The following DACH2 variants were observed in gnomAD, a reference collection of about 807,000 sequenced individuals.
The protein encoded by DACH2 is dachshund homolog 2.
A neutral mutation model predicts 35.8 loss-of-function variants in DACH2; 17 were observed. That is an observed-to-expected ratio of 0.48 (90% CI 0.33 to 0.71). The LOEUF (loss-of-function observed/expected upper bound fraction) is 0.71. Ranked by LOEUF, DACH2 falls within the 30% of genes least tolerant of loss-of-function variation. DACH2 has a pLI of 0.02. For synonymous variants in DACH2, 195 were observed against 177.3 expected (o/e 1.10, Z -0.79); for missense variants, 469 against 472.7 (o/e 0.99, Z 0.07).
intron 1 of DACH2, among the ~76,000 whole-genome samples, chrX:86,222,251 A>G (rs1476467010): frequency 8.9e-6 from 1 of 112,375 alleles, no homozygotes; most frequent in Non-Finnish European, 1.9e-5. Context: ...CCACTCAAAT[A>G]TTAGCAGGAT....
intron 1 of DACH2, among the ~76,000 whole-genome samples, chrX:86,342,072 T>C (rs1314726855): frequency 7.2e-5 from 8 of 111,833 alleles, no homozygotes; most frequent in African/African-American, 2.6e-4. Context: ...GTGGTAGCAT[T>C]TGAGAGGACT....
intron 4 of DACH2, among the ~76,000 whole-genome samples, chrX:86,667,207 G>A (rs1283841954): frequency 1.0e-5 from 1 of 98,804 alleles, no homozygotes; most frequent in Non-Finnish European, 2.0e-5. Context: ...AGTGAGCCGA[G>A]ACTGCACTCC....
chrX:86,340,039 T>G (rs928464978), intron 1 of DACH2, among the ~76,000 whole-genome samples: 2 of 112,172 alleles, frequency 1.8e-5, no homozygotes, highest in East Asian at 5.6e-4. Flanking sequence ...TTTGAAATCT[T>G]TATATCTCCT....
At chrX:86,609,554 ATTAT>A (rs1474815865) in intron 3 of DACH2, among the ~76,000 whole-genome samples, 2 of 111,418 alleles carry the variant, frequency 1.8e-5, no homozygotes, top group Non-Finnish European at 3.8e-5. Flanking sequence ...TAAAGAGTTG[ATTAT>A]TTATTATTGT....
intron 1 of DACH2, among the ~76,000 whole-genome samples, chrX:86,349,914 C>G (rs2035564623): frequency 8.9e-6 from 1 of 111,788 alleles, no homozygotes; most frequent in African/African-American, 3.3e-5. Flanking sequence ...GCCTGTAATC[C>G]CAGCACTTTA....
chrX:86,213,552 A>T (rs1458912428), intron 1 of DACH2, among the ~76,000 whole-genome samples: 1 of 111,127 alleles, frequency 9.0e-6, no homozygotes, highest in Non-Finnish European at 1.9e-5. Flanking sequence ...GCCTTTGAAA[A>T]GATTGACATT....
At chrX:86,373,941 C>T (rs772957391) in intron 1 of DACH2, among the ~76,000 whole-genome samples, 1 of 111,047 alleles carries the variant, frequency 9.0e-6, no homozygotes, top group Non-Finnish European at 1.9e-5. Flanking sequence ...GTTTACTTCA[C>T]ATCAGAGGCT....
chrX:86,674,490 G>C (rs992965184), intron 4 of DACH2, among the ~76,000 whole-genome samples: 15 of 112,107 alleles, frequency 1.3e-4, no homozygotes, highest in Admixed American at 1.9e-4. Context: ...ACATACAGTT[G>C]GTTTTGATAT....
At chrX:86,662,455 C>T (rs2040615464) in intron 4 of DACH2, among the ~76,000 whole-genome samples, 1 of 110,821 alleles carries the variant, frequency 9.0e-6, no homozygotes, top group Non-Finnish European at 1.9e-5. Flanking sequence ...AAAAATTAGC[C>T]GGGCGTGGTG....
intron 3 of DACH2, among the ~76,000 whole-genome samples, chrX:86,546,112 T>C (rs2038952005): frequency 9.1e-6 from 1 of 110,007 alleles, no homozygotes; most frequent in Admixed American, 9.6e-5. Flanking sequence ...TTTTCCAGTT[T>C]TTTGCAGCAG....
At chrX:86,298,145 CT>C (rs1398645447) in intron 1 of DACH2, among the ~76,000 whole-genome samples, 2 of 111,389 alleles carry the variant, frequency 1.8e-5, no homozygotes, top group Admixed American at 1.9e-4. Flanking sequence ...CTTTAGAGCC[CT>C]AGAAATGTTT....
chrX:86,797,085 A>T (rs1202108177), intron 7 of DACH2, among the ~76,000 whole-genome samples: 2 of 110,950 alleles, frequency 1.8e-5, no homozygotes, highest in Non-Finnish European at 3.8e-5. Flanking sequence ...CTGTTGTCTG[A>T]TTGCCATTTA....
intron 1 of DACH2, among the ~76,000 whole-genome samples, chrX:86,250,244 T>A (rs2033372748): frequency 9.0e-6 from 1 of 111,728 alleles, no homozygotes; most frequent in Non-Finnish European, 1.9e-5. Context: ...GTGAATACTG[T>A]GCCATCTATT....
At chrX:86,830,493 A>G (rs1393287291) in intron 11 of DACH2, 6 of 111,691 alleles carry the variant, frequency 5.4e-5, no homozygotes, top group Admixed American at 3.8e-4. Context: ...TATGGGAACT[A>G]TTCCTAATAG....
At chrX:86,429,842 C>T (rs1264111974) in intron 2 of DACH2, among the ~76,000 whole-genome samples, 1 of 112,184 alleles carries the variant, frequency 8.9e-6, no homozygotes. Flanking sequence ...GGAGTACAGG[C>T]ATGAGCCACC....
chrX:86,153,975 G>A (rs992299280), intron 1 of DACH2, among the ~76,000 whole-genome samples: 1 of 111,404 alleles, frequency 9.0e-6, no homozygotes, highest in Non-Finnish European at 1.9e-5. Context: ...TATAGCACAT[G>A]AATGTCAATA....
chrX:86,232,901 T>C (rs1371721612), intron 1 of DACH2, among the ~76,000 whole-genome samples: 2 of 112,275 alleles, frequency 1.8e-5, no homozygotes, highest in African/African-American at 6.5e-5. Flanking sequence ...TGTATGTTCA[T>C]TGCAGAACTT....
intron 3 of DACH2, among the ~76,000 whole-genome samples, chrX:86,594,602 T>C (rs949033257): frequency 2.7e-5 from 3 of 111,705 alleles, no homozygotes; most frequent in Admixed American, 1.9e-4. Flanking sequence ...AAATGTGCTG[T>C]TTAATCTCTA....
intron 2 of DACH2, among the ~76,000 whole-genome samples, chrX:86,454,693 G>C (rs1214121799): frequency 9.0e-6 from 1 of 111,485 alleles, no homozygotes; most frequent in African/African-American, 3.3e-5. Context: ...ATGATTCTTA[G>C]CTTTTTTGCA....
Sources: gnomAD v4.1 joint callset for allele counts (sites outside exome capture counted in the v4.1 genomes callset) on GRCh38, gnomAD v4.1.1 for gene constraint, MANE v1.5 for transcripts, NCBI Gene and HGNC (gene_info 2026-07-23, HGNC 2026-07-21) for gene names.